MCF2L: variants seen among roughly 807,000 people sequenced by gnomAD.
MCF2L encodes guanine nucleotide exchange factor DBS.
In MCF2L, 97 loss-of-function variants were observed where a neutral mutation model predicts 153.4. The ratio of observed to expected loss-of-function variants is 0.63; its 90% CI spans 0.54 to 0.75. MCF2L has a LOEUF of 0.75. Among genes scored for constraint, MCF2L ranks in the 30% least tolerant of loss-of-function variants. The probability of loss-of-function intolerance (pLI) is 0.00; values close to 1 mark genes in which losing one functional copy is unlikely to be tolerated. For missense variants in MCF2L, 1,347 were observed against 1,495.2 expected, an observed-to-expected ratio of 0.90 and a Z score of 1.64; for synonymous variants, 659 against 632.2, an observed-to-expected ratio of 1.04 and a Z score of -0.64.
chr13:113,065,587 G>A lies in MCF2L; in HGVS notation c.757-459G>A, dbSNP rs562535617. ...GTCCACAGCGCTTGCTGGAACAAAC[G>A]TATTCTGAGGAGCACGTGCTCCCTG... On this transcript the variant is annotated intron_variant, in intron 7 of 29. Transcript: ENST00000535094. Among the ~76,000 whole-genome samples the A allele has an allele frequency of 7.4e-4, 112 of 152,358 alleles. 4 individuals carry two copies. The South Asian group carries it at 0.023, about 31-fold the overall frequency.
rs2087536800 is a variant in MCF2L at position 113,053,805 on chromosome 13, C to T, written c.370-6788C>T. ...TCCCTGCAGCTGTGTCTCCAGTGAT[C>T]TTGCCTGTACTCTCCGCCTCTGCAG... On this transcript the variant is annotated intron_variant, in intron 4 of 29. Transcript: ENST00000535094. The surrounding 1 kb of genome is among the most constrained non-coding windows in gnomAD (Gnocchi z 4.4). 6.6e-6 allele frequency among the ~76,000 whole-genome samples: 1 copy of T among 152,182 alleles called. No individual in the cohort carries two copies. Among genetic ancestry groups the T allele is most frequent in the Non-Finnish European group, 1.5e-5 (1 of 68,036 alleles).
Position 113,098,393 on chromosome 13 carries a change from G to A in MCF2L, c.*1534G>A, listed in dbSNP as rs777630822. The stretch of plus-strand genomic sequence containing the variant: ...CGCGGTGCCTCCGTCTCGTCGCACA[G>A]CTGCGCGCCCTTGTGTGACCCTCCC... On this transcript the variant is annotated 3_prime_UTR_variant, in exon 30 of 30. Transcript: ENST00000535094. 6.6e-6 allele frequency: 1 copy of A among 152,526 alleles called. No individual in the cohort carries two copies. Among genetic ancestry groups the A allele is most frequent in the Non-Finnish European group, 1.5e-5 (1 of 68,034 alleles). The allele number at this position is 152,526 out of a possible 1,614,324, so 9.4% of individuals were successfully genotyped here.
At chr13:112,968,316 C>A, upstream of MCF2L, 1 of 1,038,054 alleles carries the variant, frequency 9.6e-7, no homozygotes, top group Non-Finnish European at 1.4e-6. Context: ...AAAAGGATAG[C>A]TGCGGTTTTG....
chr13:113,028,416 G>C lies in MCF2L; in HGVS notation c.278+3658G>C, dbSNP rs539314967. Among the ~76,000 whole-genome samples, 1 of 152,310 alleles carries C rather than the reference G, an allele frequency of 6.6e-6. No individual in the cohort carries two copies. The highest frequency in any genetic ancestry group is 1.9e-4 in the East Asian group (1 of 5,178). ...TTGCTGCTGCCCCACTTGTCTGTCT[G>C]CTTCTCCTGAGATCCAGGAATCTCA... On this transcript the variant is annotated intron_variant, in intron 3 of 29. Transcript: ENST00000535094. The surrounding 1 kb of genome is among the most constrained non-coding windows in gnomAD (Gnocchi z 5.4).
rs147080524 is a variant in MCF2L at position 113,031,842 on chromosome 13, C to T, written c.278+7084C>T. ...GCATGTACACATACAGATGCACACA[C>T]GCACCTACACAGGCTTGCACATGCC... On this transcript the variant is annotated intron_variant, in intron 3 of 29. Coordinates refer to ENST00000535094, the MANE Select transcript of MCF2L (RefSeq NM_001112732.3). The surrounding 1 kb of genome is among the most constrained non-coding windows in gnomAD (Gnocchi z 5.5). 3.3e-5 allele frequency among the ~76,000 whole-genome samples: 5 copies of T among 150,330 alleles called. No homozygotes were observed. The highest frequency in any genetic ancestry group is 2.0e-4 in the East Asian group (1 of 5,050).
chr13:113,004,442 G>A (rs1002228090), intron 1 of MCF2L, among the ~76,000 whole-genome samples: 3 of 152,234 alleles, frequency 2.0e-5, no homozygotes, highest in African/African-American at 4.8e-5. Flanking sequence ...GCCCTGGCCA[G>A]CCCCCATGGC....
In MCF2L at chr13:113,096,641, C is replaced by G. The variant is rs547009109; in HGVS notation, c.3280C>G (p.Leu1094Val). ...CGGCCCGTCCGGCTCGGCCCAGTGCCTGAGCAGCTCAGGTAAGGCCCACGT... is the reference window on the plus strand; with the variant it reads ...CGGCCCGTCCGGCTCGGCCCAGTGCGTGAGCAGCTCAGGTAAGGCCCACGT... ...RLGPSGSAQCLSSSESSPGSA... is the reference protein window; with the variant it reads ...RLGPSGSAQCVSSSESSPGSA... Residue 1094 changes from leucine to valine, a missense_variant, in exon 29 of 30, where the codon CTG (leucine) becomes GTG (valine). Physicochemically the swap from Leu to Val is conservative, Grantham distance 32. Around this residue, in one of 3 missense-constraint regions of MCF2L, gnomAD observed 383 missense variants for 335.4 expected, o/e 1.14. Coordinates refer to ENST00000535094, the MANE Select transcript of MCF2L (RefSeq NM_001112732.3). 1.3e-6 allele frequency: 2 copies of G among 1,589,108 alleles called. No homozygotes were observed. Among genetic ancestry groups the G allele is most frequent in the Non-Finnish European group, 1.7e-6 (2 of 1,174,222 alleles).
At chr13:112,985,389 G>T (rs530835825) in intron 1 of MCF2L, 106 of 470,992 alleles carry the variant, frequency 2.3e-4, no homozygotes, top group South Asian at 1.6e-3. Context: ...CGCCATGGGG[G>T]ACGGAAAGGC....
chr13:112,971,973 T>C (rs1410846050), intron 1 of MCF2L, among the ~76,000 whole-genome samples: 1 of 152,260 alleles, frequency 6.6e-6, no homozygotes, highest in Non-Finnish European at 1.5e-5. Context: ...ATGCGTCACC[T>C]TGGGGGCTTG....
chr13:112,957,681 G>A (rs1405687588), intron 2 of MCF2L: 1 of 151,970 alleles, frequency 6.6e-6, no homozygotes, highest in Non-Finnish European at 1.5e-5. Context: ...TTCTGTGTGT[G>A]TGTTTTTATT....
chr13:113,088,414 G>A lies in MCF2L; in HGVS notation c.2767+9G>A, dbSNP rs773224202. 1 of 1,613,746 alleles carries A rather than the reference G, an allele frequency of 6.2e-7. No individual in the cohort carries two copies. Among genetic ancestry groups the A allele is most frequent in the East Asian group, 2.2e-5 (1 of 44,886 alleles). On this transcript the variant is annotated intron_variant, in intron 24 of 29. Coordinates refer to ENST00000535094, the MANE Select transcript of MCF2L (RefSeq NM_001112732.3). ...GCTGCAGGCTTGTAGAGGTGAGGCT[G>A]TCTTCAAGCGATCGTTTCCCGTAGC...
At chr13:112,968,120 T>G (rs1459086000), upstream of MCF2L, 4 of 201,752 alleles carry the variant, frequency 2.0e-5, no homozygotes, top group Non-Finnish European at 2.9e-5. Flanking sequence ...CTCTCTCTCT[T>G]TTAACTGATT....
Position 113,023,485 on chromosome 13 carries a change from T to TG in MCF2L, c.164-1153dup, listed in dbSNP as rs1461714082. Among the ~76,000 whole-genome samples, 6 of 151,984 alleles carry TG rather than the reference T, an allele frequency of 3.9e-5. No homozygotes were observed. The South Asian group carries it at 6.3e-4, about 16-fold the overall frequency. ...TTCCGGAAGCTGGAGACAGTGGCTG[T>TG]GGGGGGCGCAAGGCGGCGGGGGACT... On this transcript the variant is annotated intron_variant, in intron 2 of 29. Coordinates refer to ENST00000535094, the MANE Select transcript of MCF2L (RefSeq NM_001112732.3).
chr13:113,019,956 A>G (rs1387609870), intron 2 of MCF2L, among the ~76,000 whole-genome samples: 1 of 152,184 alleles, frequency 6.6e-6, no homozygotes, highest in Non-Finnish European at 1.5e-5. Context: ...CTCCCGGCCT[A>G]TGGTGGTTTG....
chr13:113,031,587 G>A lies in MCF2L; in HGVS notation c.278+6829G>A, dbSNP rs533323904. Among the ~76,000 whole-genome samples the A allele has an allele frequency of 9.9e-5, 15 of 152,192 alleles. No homozygotes were observed. Among genetic ancestry groups the A allele is most frequent in the Non-Finnish European group, 1.6e-4 (11 of 67,992 alleles). On this transcript the variant is annotated intron_variant, in intron 3 of 29. Transcript: ENST00000535094. This position sits in a 1 kb window ranked among gnomAD's most constrained non-coding sequence, Gnocchi z 5.5. ...AGAATGCAGGGTGGAGGGAGAATGC[G>A]GGGTGGAGGGAGGAGCTGGGAGATG...
At chr13:112,978,584 A>G (rs1334205522) in intron 1 of MCF2L, among the ~76,000 whole-genome samples, 1 of 152,324 alleles carries the variant, frequency 6.6e-6, no homozygotes, top group East Asian at 1.9e-4. Flanking sequence ...GTGGGAGGAC[A>G]TGGTAGGCAG....
intron 5 of MCF2L, among the ~76,000 whole-genome samples, chr13:113,062,677 G>A (rs969343325): frequency 1.3e-4 from 20 of 152,240 alleles, no homozygotes; most frequent in African/African-American, 4.3e-4. Context: ...TTGTTGACAC[G>A]TGTGTGTCCG....
intron 2 of MCF2L, among the ~76,000 whole-genome samples, chr13:112,958,708 C>T (rs1342917219): frequency 2.6e-5 from 4 of 152,160 alleles, no homozygotes; most frequent in African/African-American, 9.7e-5. Flanking sequence ...CCTTCATTAC[C>T]CCTGGGGCCT....
At chr13:113,084,088 T>TA (rs763874572) in intron 18 of MCF2L, 21 bp downstream of exon 18, 1 of 1,599,764 alleles carries the variant, frequency 6.3e-7, no homozygotes, top group African/African-American at 1.3e-5. Flanking sequence ...TTTTGACGTG[T>TA]ATTTTGTCAC....
Sources: allele counts gnomAD v4.1 joint callset (sites outside exome capture counted in the v4.1 genomes callset), GRCh38; gene constraint gnomAD v4.1.1; regional missense constraint gnomAD v4.1.1; non-coding constraint Gnocchi (gnomAD v3.1); transcripts MANE v1.5; gene names NCBI Gene and HGNC (gene_info 2026-07-23, HGNC 2026-07-21).